The following TXNDC12 variants were observed in gnomAD, a reference collection of about 807,000 sequenced individuals.
TXNDC12 encodes thioredoxin domain-containing protein 12.
Under a neutral mutation model 24.2 loss-of-function variants are expected in TXNDC12, and 22 were observed. That is an observed-to-expected ratio of 0.91 (90% CI 0.65 to 1.30). The LOEUF (loss-of-function observed/expected upper bound fraction) is 1.30. Among genes scored for constraint, TXNDC12 ranks in the 50% most tolerant of loss-of-function variants. The pLI is 0.00. For synonymous variants in TXNDC12, 58 were observed against 73.4 expected (o/e 0.79, Z 1.07); for missense variants, 184 against 205.8 (o/e 0.89, Z 0.65).
intron 2 of TXNDC12, among the ~76,000 whole-genome samples, chr1:52,029,957 G>A (rs1427796554): frequency 6.6e-6 from 1 of 152,194 alleles, no homozygotes; most frequent in African/African-American, 2.4e-5. Context: ...ACATTGTGCT[G>A]TATATGCATT....
intron 2 of TXNDC12, among the ~76,000 whole-genome samples, chr1:52,034,544 A>G (rs1262832680): frequency 1.3e-5 from 2 of 152,226 alleles, no homozygotes; most frequent in African/African-American, 2.4e-5. Context: ...TTGCATAGAC[A>G]TATTTAAAAT....
chr1:52,033,094 T>C (rs968235383), intron 2 of TXNDC12: 3 of 1,611,030 alleles, frequency 1.9e-6, no homozygotes, highest in African/African-American at 1.3e-5. Flanking sequence ...GTCCCAGCGA[T>C]TCCGAGAATC....
intron 2 of TXNDC12, among the ~76,000 whole-genome samples, chr1:52,036,558 G>A (rs1240773229): frequency 6.6e-6 from 1 of 152,052 alleles, no homozygotes; most frequent in Non-Finnish European, 1.5e-5. Flanking sequence ...GTAACTTTAT[G>A]GAAATATAAT....
At position 52,023,523 on chromosome 1, in the gene TXNDC12, C is replaced by A; in HGVS notation, c.407G>T (p.Ser136Ile). ...GGCACTGACATAAAAATACTTGTAG[C>A]TGGGGTTTCCATTCTCATTGATGAT... ...PEIINENGNP[S>I]YKYFYVSAEQ... The change falls in exon 6 of 7, where the codon AGC becomes ATC. Residue 136 changes from serine to isoleucine, a missense_variant. Physicochemically the swap from Ser to Ile is moderately radical, Grantham distance 142. Transcript: ENST00000371626. The A allele has an allele frequency of 1.9e-6, 3 of 1,614,122 alleles. No homozygotes were observed. Among genetic ancestry groups the A allele is most frequent in the Non-Finnish European group, 2.5e-6 (3 of 1,179,988 alleles).
At position 52,025,271 on chromosome 1, in the gene TXNDC12, T is replaced by A. The variant is rs189060714; in HGVS notation, c.286-692A>T. Among the ~76,000 whole-genome samples, 4 of 151,616 alleles carry A rather than the reference T, an allele frequency of 2.6e-5. No homozygotes were observed. The South Asian group carries it at 8.3e-4, about 32-fold the overall frequency. On this transcript the variant is annotated intron_variant, in intron 4 of 6. Coordinates refer to ENST00000371626, the MANE Select transcript of TXNDC12 (RefSeq NM_015913.4). ...TCTCGCTCTGTCGCCCAGGCTGGAGTGCAGTTGTGCGATCTCGGCCCACTG... is the reference window on the plus strand; with the variant it reads ...TCTCGCTCTGTCGCCCAGGCTGGAGAGCAGTTGTGCGATCTCGGCCCACTG...
At chr1:52,021,891 T>C (rs187160821) in intron 6 of TXNDC12, among the ~76,000 whole-genome samples, 3 of 152,320 alleles carry the variant, frequency 2.0e-5, no homozygotes, top group Non-Finnish European at 1.5e-5. Flanking sequence ...TCATGTCAGC[T>C]GAGAGATGGA....
chr1:52,038,497 A>G (rs980148205), intron 2 of TXNDC12, among the ~76,000 whole-genome samples: 2 of 151,992 alleles, frequency 1.3e-5, no homozygotes, highest in Non-Finnish European at 2.9e-5. Context: ...TTTTTTGTAG[A>G]GACGGGGTTT....
rs187138938 is a variant in TXNDC12, at chr1:52,052,029, G to A, written c.97+2971C>T. On this transcript the variant is annotated intron_variant, in intron 1 of 6. Coordinates refer to ENST00000371626, the MANE Select transcript of TXNDC12 (RefSeq NM_015913.4). ...TTTATTAAATATTTTCTAAGTGTCC[G>A]ACACAATATTAAGTGCCTTTTGTTT... Among the ~76,000 whole-genome samples, 9 of 152,196 alleles carry A rather than the reference G, an allele frequency of 5.9e-5. No homozygotes were observed. The East Asian group carries it at 1.5e-3, about 26-fold the overall frequency.
intron 2 of TXNDC12, among the ~76,000 whole-genome samples, chr1:52,031,338 T>C (rs1485262198): frequency 6.7e-6 from 1 of 149,534 alleles, no homozygotes; most frequent in East Asian, 2.0e-4. Flanking sequence ...TTTTGTATTT[T>C]TAGTAGAGAT....
intron 5 of TXNDC12, 87 bp from the exon 6 acceptor site, chr1:52,023,661 G>A (rs1685633524): frequency 9.3e-6 from 9 of 966,738 alleles, no homozygotes; most frequent in Middle Eastern, 2.1e-4. Context: ...GGCCCTCTGG[G>A]AAATAAGATC....
chr1:52,038,084 C>T (rs1685917772), intron 2 of TXNDC12, among the ~76,000 whole-genome samples: 1 of 152,132 alleles, frequency 6.6e-6, no homozygotes, highest in Non-Finnish European at 1.5e-5. Flanking sequence ...TGTGCCACCA[C>T]ACCCAGCTAA....
intron 2 of TXNDC12, chr1:52,034,062 T>C: frequency 7.6e-7 from 1 of 1,319,364 alleles, no homozygotes; most frequent in Non-Finnish European, 9.6e-7. Context: ...CTAAGGGGCA[T>C]TAAATATTGT....
At chr1:52,036,788 A>C (rs1396611776) in intron 2 of TXNDC12, among the ~76,000 whole-genome samples, 1 of 152,170 alleles carries the variant, frequency 6.6e-6, no homozygotes, top group Non-Finnish European at 1.5e-5. Context: ...CATCTCCATC[A>C]AGTTATCTTC....
chr1:52,046,866 A>AAAAATATAT (rs1229275355), intron 1 of TXNDC12, among the ~76,000 whole-genome samples: 6 of 30,172 alleles, frequency 2.0e-4, no homozygotes, highest in East Asian at 8.7e-4. Flanking sequence ...AAAAAAAAAA[A>AAAAATATAT]ATATATATAT....
intron 2 of TXNDC12, among the ~76,000 whole-genome samples, chr1:52,034,496 C>T (rs911592365): frequency 1.1e-4 from 16 of 152,186 alleles, no homozygotes; most frequent in Non-Finnish European, 2.4e-4. Context: ...TTCAGATAAA[C>T]ACCAAAAACA....
At chr1:52,055,273 G>C (rs1309683769), upstream of TXNDC12, 7 of 587,114 alleles carry the variant, frequency 1.2e-5, no homozygotes, top group African/African-American at 1.3e-4. Flanking sequence ...CCGGGGTCCG[G>C]TTTGGGATGG....
rs1001596684 is a variant in TXNDC12 at position 52,041,703 on chromosome 1, G to A, written c.98-106C>T. 3 of 683,658 alleles carry A rather than the reference G, an allele frequency of 4.4e-6. No homozygotes were observed. In the African/African-American group the frequency reaches 5.5e-5, roughly 13 times the overall value. The allele number at this position is 683,658 out of a possible 1,614,324, so 42.3% of individuals were successfully genotyped here. On this transcript the variant is annotated intron_variant, in intron 1 of 6. Transcript: ENST00000371626. ...ATACCCACTAAGAAGGTTTTCTTCTGTCAAGAGCTTGGTGTTCAAGTCCCA... is the reference window on the plus strand; with the variant it reads ...ATACCCACTAAGAAGGTTTTCTTCTATCAAGAGCTTGGTGTTCAAGTCCCA...
intron 2 of TXNDC12, chr1:52,033,552 C>G: frequency 6.2e-7 from 1 of 1,613,942 alleles, no homozygotes; most frequent in Non-Finnish European, 8.5e-7. Context: ...CGTGGCGACT[C>G]AGGCGCCGTT....
chr1:52,054,216 G>GA (rs11424215), intron 1 of TXNDC12, among the ~76,000 whole-genome samples: 38,858 of 143,424 alleles, frequency 0.27, 5,593 homozygotes, highest in Non-Finnish European at 0.34. Context: ...TAAGGTCAGT[G>GA]AAAAAAAAAA....
Sources: allele counts gnomAD v4.1 joint callset (sites outside exome capture counted in the v4.1 genomes callset), GRCh38; gene constraint gnomAD v4.1.1; transcripts MANE v1.5; gene names NCBI Gene and HGNC (gene_info 2026-07-23, HGNC 2026-07-21).